The following PJA2 variants were observed in gnomAD, a reference collection of about 807,000 sequenced individuals.
PJA2 encodes E3 ubiquitin-protein ligase Praja-2.
Under a neutral mutation model 69.3 loss-of-function variants are expected in PJA2, and 25 were observed. The observed-to-expected ratio is 0.36, with a 90% CI of 0.26 to 0.50. The LOEUF (loss-of-function observed/expected upper bound fraction) is 0.50. PJA2 is among the 20% of genes least tolerant of loss of function. The pLI is 0.96. For synonymous variants in PJA2, 308 were observed against 277.8 expected (o/e 1.11, Z -1.08); for missense variants, 809 against 830.2 (o/e 0.97, Z 0.31).
Position 109,378,573 on chromosome 5 carries a change from T to C in PJA2, c.914A>G (p.Asn305Ser), listed in dbSNP as rs2127006291. ...SEQNTNDREK[N>S]HGSSPEQVVR... is the part of the protein sequence containing the mutation. ...TACCTGTTCAGGAGAACTTCCATGG[T>C]TCTTTTCCCTATCATTGGTATTTTG... The change falls in exon 4 of 10, where the codon AAC becomes AGC. Residue 305 changes from asparagine (N) to serine (S), a missense_variant. Physicochemically the swap from Asn to Ser is conservative, Grantham distance 46 (BLOSUM62 1). Transcript: ENST00000361189. The C allele has an allele frequency of 6.2e-7, 1 of 1,614,180 alleles. No individual in the cohort carries two copies. Among genetic ancestry groups the C allele is most frequent in the Non-Finnish European group, 8.5e-7 (1 of 1,180,018 alleles).
At chr5:109,408,377 T>C (rs375996602) in intron 1 of PJA2, among the ~76,000 whole-genome samples, 3 of 152,284 alleles carry the variant, frequency 2.0e-5, no homozygotes, top group East Asian at 1.9e-4. Flanking sequence ...AAAAAGGGAA[T>C]AGAATAAATT....
intron 4 of PJA2, among the ~76,000 whole-genome samples, chr5:109,370,344 T>G (rs1334753619): frequency 4.6e-5 from 7 of 152,190 alleles, no homozygotes; most frequent in Non-Finnish European, 8.8e-5. Context: ...TTAATGATGA[T>G]TATTATGTCA....
intron 7 of PJA2, among the ~76,000 whole-genome samples, chr5:109,350,927 A>G (rs1477111332): frequency 3.3e-5 from 5 of 152,208 alleles, no homozygotes; most frequent in Admixed American, 6.6e-5. Context: ...ACTGATCCAC[A>G]TAAGAATGCA....
intron 1 of PJA2, among the ~76,000 whole-genome samples, chr5:109,388,192 T>G (rs945363603): frequency 6.6e-6 from 1 of 151,920 alleles, no homozygotes; most frequent in East Asian, 1.9e-4. Flanking sequence ...CATCATGATA[T>G]CACTCAAGTA....
intron 1 of PJA2, among the ~76,000 whole-genome samples, chr5:109,404,604 G>A (rs548768291): frequency 5.9e-5 from 9 of 152,270 alleles, no homozygotes; most frequent in Admixed American, 1.3e-4. Flanking sequence ...TAGATTCAGC[G>A]TTTGGTGAGA....
intron 1 of PJA2, among the ~76,000 whole-genome samples, chr5:109,394,326 G>A (rs146943472): frequency 6.6e-5 from 10 of 151,848 alleles, no homozygotes; most frequent in Non-Finnish European, 1.2e-4. Flanking sequence ...GGGATTACAG[G>A]TGTGAGCCGC....
At chr5:109,358,304 C>G (rs939197417) in intron 6 of PJA2, among the ~76,000 whole-genome samples, 1 of 152,214 alleles carries the variant, frequency 6.6e-6, no homozygotes, top group Non-Finnish European at 1.5e-5. Context: ...GATAACTGGC[C>G]CAACCTATCC....
Position 109,405,945 on chromosome 5 carries a change from T to C in PJA2, c.-88+3897A>G, listed in dbSNP as rs543255863. Among the ~76,000 whole-genome samples the C allele has an allele frequency of 7.9e-5, 12 of 152,058 alleles. No individual in the cohort carries two copies. The South Asian group carries it at 2.3e-3, about 29-fold the overall frequency. ...AAATAAAAAAAAAACAAGCTTCAGA[T>C]TGCAGTGTGTGTGTGTGTTTATGTA... On this transcript the variant is annotated intron_variant, in intron 1 of 9. Transcript: ENST00000361189.
At chr5:109,343,894 G>C (rs1293525306) in intron 9 of PJA2, among the ~76,000 whole-genome samples, 1 of 151,938 alleles carries the variant, frequency 6.6e-6, no homozygotes, top group Admixed American at 6.6e-5. Context: ...TCAGGAGTTC[G>C]AGACCAGCCT....
At chr5:109,359,381 C>T (rs1307815941) in intron 6 of PJA2, among the ~76,000 whole-genome samples, 1 of 152,104 alleles carries the variant, frequency 6.6e-6, no homozygotes, top group Non-Finnish European at 1.5e-5. Context: ...ACCCCTAACC[C>T]GTGTTGTTCA....
chr5:109,342,590 C>G (rs1226959515), intron 9 of PJA2, among the ~76,000 whole-genome samples: 1 of 95,902 alleles, frequency 1.0e-5, no homozygotes, highest in African/African-American at 4.6e-5. Flanking sequence ...TCTGCCCGGC[C>G]GCCCCTACTG....
At chr5:109,364,481 GGCGTAGTGGCGGGCGCCTGTAGTCCCA>G (rs1762552991) in intron 5 of PJA2, among the ~76,000 whole-genome samples, 2 of 151,262 alleles carry the variant, frequency 1.3e-5, no homozygotes, top group African/African-American at 4.9e-5. Context: ...AAATTAGCCG[GGCGTAGTGGCGGGCGCCTGTAGTCCCA>G]GCTACTTGGG....
chr5:109,374,789 T>C (rs570398410), intron 4 of PJA2, among the ~76,000 whole-genome samples: 21 of 152,214 alleles, frequency 1.4e-4, no homozygotes, highest in Non-Finnish European at 2.2e-4. Context: ...GAACAGACAG[T>C]AGATGGCATG....
In PJA2 at chr5:109,350,551, T is replaced by C. The variant is rs559761640; in HGVS notation, c.1764+5364A>G. On this transcript the variant is annotated intron_variant, in intron 7 of 9. Transcript: ENST00000361189. ...ACTGATTACACCAGTTAGTTGACTA[T>C]TGATTTGAATAAACCTATATGAATA... Among the ~76,000 whole-genome samples the C allele has an allele frequency of 6.6e-5, 10 of 152,334 alleles. No individual in the cohort carries two copies. In the South Asian group the frequency reaches 1.5e-3, roughly 22 times the overall value.
chr5:109,409,212 G>A (rs1361187859), intron 1 of PJA2: 2 of 152,258 alleles, frequency 1.3e-5, no homozygotes, highest in African/African-American at 2.4e-5. Context: ...ATCGCTAACT[G>A]AGAGCAGCCC....
intron 7 of PJA2, among the ~76,000 whole-genome samples, chr5:109,351,163 T>C (rs538190815): frequency 8.4e-4 from 127 of 151,178 alleles, no homozygotes; most frequent in Non-Finnish European, 1.4e-3. Context: ...TCTAGACAAG[T>C]TGATGTGATT....
chr5:109,363,815 T>A (rs1452589130), intron 5 of PJA2, among the ~76,000 whole-genome samples: 1 of 151,024 alleles, frequency 6.6e-6, no homozygotes, highest in East Asian at 1.9e-4. Context: ...ATCAAGAAAA[T>A]AAGGAGGAGA....
chr5:109,355,819 T>C, intron 7 of PJA2, 96 bp downstream of exon 7: 1 of 789,012 alleles, frequency 1.3e-6, no homozygotes, highest in Non-Finnish European at 2.0e-6. Flanking sequence ...GGGAAAAAGA[T>C]TCACCTTTTC....
intron 6 of PJA2, among the ~76,000 whole-genome samples, chr5:109,360,478 A>G (rs1025986740): frequency 6.6e-6 from 1 of 152,314 alleles, no homozygotes; most frequent in Non-Finnish European, 1.5e-5. Context: ...AAAATGTGCC[A>G]AAGTTTGACT....
Sources: allele counts gnomAD v4.1 joint callset (sites outside exome capture counted in the v4.1 genomes callset), GRCh38; gene constraint gnomAD v4.1.1; transcripts MANE v1.5; gene names NCBI Gene and HGNC (gene_info 2026-07-23, HGNC 2026-07-21).